MARCHF1: variants seen among roughly 807,000 people sequenced by gnomAD.
MARCHF1 encodes membrane associated ring-CH-type finger 1.
Under a neutral mutation model 54.2 loss-of-function variants are expected in MARCHF1, and 40 were observed. The ratio of observed to expected loss-of-function variants is 0.74; its 90% CI spans 0.57 to 0.96. MARCHF1 has a LOEUF of 0.96. Ranked by LOEUF, MARCHF1 falls within the 40% of genes least tolerant of loss-of-function variation. MARCHF1 has a pLI of 0.00. For synonymous variants in MARCHF1, 236 were observed against 236.3 expected, an observed-to-expected ratio of 1.00 and a Z score of 0.01; for missense variants, 586 against 656.5, an observed-to-expected ratio of 0.89 and a Z score of 1.17.
At chr4:163,584,257 T>C (rs895629420) in intron 8 of MARCHF1, 2 of 152,004 alleles carry the variant, frequency 1.3e-5, no homozygotes, top group African/African-American at 4.8e-5. Context: ...TCCTAGATCG[T>C]GGCCCTCAAA....
At chr4:164,075,419 C>T (rs1435680732) in intron 2 of MARCHF1, among the ~76,000 whole-genome samples, 1 of 152,146 alleles carries the variant, frequency 6.6e-6, no homozygotes, top group Non-Finnish European at 1.5e-5. Context: ...CTCATGTCCT[C>T]AATAATCACC....
At chr4:163,718,047 G>T (rs1180911670) in intron 4 of MARCHF1, among the ~76,000 whole-genome samples, 25 of 152,118 alleles carry the variant, frequency 1.6e-4, no homozygotes, top group Admixed American at 1.6e-3. Context: ...AACAAGAAAT[G>T]GGCAAAGGAT....
At chr4:164,283,525 G>T (rs1025934070) in intron 1 of MARCHF1, among the ~76,000 whole-genome samples, 5 of 150,970 alleles carry the variant, frequency 3.3e-5, no homozygotes, top group Admixed American at 6.7e-5. Flanking sequence ...ACAAGAGGGA[G>T]GTCTGGGGAA....
intron 4 of MARCHF1, among the ~76,000 whole-genome samples, chr4:163,782,628 C>T (rs1747498532): frequency 7.2e-6 from 1 of 138,590 alleles, no homozygotes; most frequent in Non-Finnish European, 1.5e-5. Context: ...GAGATAGTGC[C>T]ACTGCACTCC....
intron 3 of MARCHF1, among the ~76,000 whole-genome samples, chr4:163,886,172 T>TATCTATAGATATGAATCTATAG (rs1425000882): frequency 2.0e-5 from 3 of 150,112 alleles, no homozygotes; most frequent in African/African-American, 7.3e-5. Flanking sequence ...TAGATCTATA[T>TATCTATAGATATGAATCTATAG]ATCTATAGAT....
chr4:163,720,655 C>T (rs1745421380), intron 4 of MARCHF1, among the ~76,000 whole-genome samples: 1 of 152,160 alleles, frequency 6.6e-6, no homozygotes, highest in Non-Finnish European at 1.5e-5. Flanking sequence ...TCTTCCTATC[C>T]ATGAACATGG....
At chr4:163,535,974 A>G (rs757288664) in intron 9 of MARCHF1, among the ~76,000 whole-genome samples, 2 of 152,098 alleles carry the variant, frequency 1.3e-5, no homozygotes, top group African/African-American at 2.4e-5. Flanking sequence ...TGGACATCCT[A>G]CAATGCACAG....
rs545775595 is a variant in MARCHF1, at chr4:163,671,609, C to T, written c.162+29204G>A. Reference sequence around the variant, plus strand: ...AATGGCTAACCAGGTGCCATTTTTTCCCTTAGCGTTAATTTTTAGTTTAAT... The same window carrying T: ...AATGGCTAACCAGGTGCCATTTTTTTCCTTAGCGTTAATTTTTAGTTTAAT... On this transcript the variant is annotated intron_variant, in intron 5 of 9. Transcript: ENST00000514618. Among the ~76,000 whole-genome samples the T allele has an allele frequency of 2.0e-5, 3 of 152,156 alleles. No individual in the cohort carries two copies. The South Asian group carries it at 6.2e-4, about 32-fold the overall frequency.
At chr4:163,790,113 G>T (rs1747733999) in intron 4 of MARCHF1, among the ~76,000 whole-genome samples, 2 of 151,970 alleles carry the variant, frequency 1.3e-5, no homozygotes, top group South Asian at 4.1e-4. Flanking sequence ...GCACTTGGTA[G>T]GTATAACCAA....
chr4:164,090,755 C>A (rs1755281235), intron 2 of MARCHF1, among the ~76,000 whole-genome samples: 1 of 151,950 alleles, frequency 6.6e-6, no homozygotes, highest in Non-Finnish European at 1.5e-5. Context: ...GGCACTCAAG[C>A]AGCAAGACAG....
At chr4:164,361,783 T>C (rs904298747) in intron 1 of MARCHF1, among the ~76,000 whole-genome samples, 1 of 152,150 alleles carries the variant, frequency 6.6e-6, no homozygotes, top group Non-Finnish European at 1.5e-5. Flanking sequence ...AATAAATGGG[T>C]AAGTATACAA....
chr4:164,039,840 T>C (rs2111015321), intron 2 of MARCHF1, among the ~76,000 whole-genome samples: 1 of 151,918 alleles, frequency 6.6e-6, no homozygotes, highest in Non-Finnish European at 1.5e-5. Flanking sequence ...GGTAGATTTT[T>C]AGCATGCTGA....
intron 4 of MARCHF1, among the ~76,000 whole-genome samples, chr4:163,798,725 T>C (rs1352892263): frequency 6.6e-6 from 1 of 151,932 alleles, no homozygotes; most frequent in Non-Finnish European, 1.5e-5. Flanking sequence ...ATGGAATATT[T>C]AGTGAAACAA....
Position 163,854,088 on chromosome 4 carries a change from A to T in MARCHF1, c.44T>A (p.Ile15Asn). ...CTCGGGTGTTCGCGTGTTGTTTGGA[A>T]TTCTGTGAGGGTTACGGGCTATCGC... is the stretch of plus-strand genomic sequence containing the variant. ...CEAIARNPHR[I>N]PNNTRTPEIS... Residue 15 changes from isoleucine to asparagine, a missense_variant, in exon 4 of 10, where the codon ATT becomes AAT. By Grantham distance (149) the Ile-to-Asn change is moderately radical (BLOSUM62 -3). Transcript: ENST00000514618. 6.5e-7 allele frequency: 1 copy of T among 1,536,894 alleles called. No individual in the cohort carries two copies. The highest frequency in any genetic ancestry group is 8.7e-7 in the Non-Finnish European group (1 of 1,146,668).
intron 4 of MARCHF1, among the ~76,000 whole-genome samples, chr4:163,706,835 G>A (rs1744964098): frequency 6.6e-6 from 1 of 151,842 alleles, no homozygotes; most frequent in African/African-American, 2.4e-5. Context: ...ATGAAAAAAA[G>A]GAGAGCTTTT....
intron 3 of MARCHF1, among the ~76,000 whole-genome samples, chr4:163,959,373 A>C (rs537395787): frequency 2.6e-5 from 4 of 151,322 alleles, no homozygotes; most frequent in Non-Finnish European, 5.9e-5. Context: ...CAAAACAAAC[A>C]AAAAAAAAGC....
intron 5 of MARCHF1, among the ~76,000 whole-genome samples, chr4:163,652,303 A>C (rs868228164): frequency 6.6e-6 from 1 of 151,826 alleles, no homozygotes; most frequent in East Asian, 1.9e-4. Flanking sequence ...TTTATTTAGA[A>C]TAACATTCAA....
At chr4:163,986,285 T>C (rs539639571) in intron 3 of MARCHF1, among the ~76,000 whole-genome samples, 1,768 of 100,934 alleles carry the variant, frequency 0.018, 144 homozygotes, top group East Asian at 0.1. Flanking sequence ...TTTTTTGAGA[T>C]GGAGTGTCTC....
chr4:163,929,956 T>TA (rs1560823755), intron 3 of MARCHF1, among the ~76,000 whole-genome samples: 9 of 70,662 alleles, frequency 1.3e-4, no homozygotes, highest in African/African-American at 5.0e-4. Flanking sequence ...TTATATATAT[T>TA]ATATATAATA....
Sources: allele counts gnomAD v4.1 joint callset (sites outside exome capture counted in the v4.1 genomes callset), GRCh38; gene constraint gnomAD v4.1.1; transcripts MANE v1.5; gene names NCBI Gene and HGNC (gene_info 2026-07-23, HGNC 2026-07-21).